The following ST8SIA2 variants were observed in gnomAD, a reference collection of about 807,000 sequenced individuals.
The protein encoded by ST8SIA2 is ST8 alpha-N-acetyl-neuraminide alpha-2,8-sialyltransferase 2, also known as alpha-2,8-sialyltransferase 8B.
A neutral mutation model predicts 37.6 loss-of-function variants in ST8SIA2; 22 were observed. The ratio of observed to expected loss-of-function variants is 0.58; its 90% CI spans 0.42 to 0.83. ST8SIA2 has a LOEUF of 0.83. Among genes scored for constraint, ST8SIA2 ranks in the 40% least tolerant of loss-of-function variants. The pLI is 0.00. For missense variants in ST8SIA2, 382 were observed against 484.7 expected (o/e 0.79, Z 1.99); for synonymous variants, 205 against 201.2 (o/e 1.02, Z -0.16).
chr15:92,416,242 T>G (rs1246535656), intron 1 of ST8SIA2, among the ~76,000 whole-genome samples: 123 of 118,512 alleles, frequency 1.0e-3, no homozygotes, highest in South Asian at 2.3e-3. Context: ...GGGGTGGGGG[T>G]GTGGTGAGGG....
chr15:92,442,860 T>C (rs2141837837), intron 4 of ST8SIA2, among the ~76,000 whole-genome samples: 1 of 152,134 alleles, frequency 6.6e-6, no homozygotes, highest in African/African-American at 2.4e-5. Context: ...GCTCTTTGAG[T>C]CAAATATACC....
chr15:92,423,604 T>C (rs1186514441), intron 1 of ST8SIA2, among the ~76,000 whole-genome samples: 1 of 152,224 alleles, frequency 6.6e-6, no homozygotes, highest in Non-Finnish European at 1.5e-5. Flanking sequence ...CGTTGAGCAC[T>C]GCCTCCTCCA....
chr15:92,455,081 G>C (rs563258306), intron 5 of ST8SIA2, among the ~76,000 whole-genome samples: 1 of 152,250 alleles, frequency 6.6e-6, no homozygotes, highest in East Asian at 1.9e-4. Flanking sequence ...AGAGACTTGA[G>C]GGCCCAAGGT....
rs143662899 is a variant in ST8SIA2, at chr15:92,434,423, T to C, written c.290+48T>C. The stretch of plus-strand genomic sequence containing the variant: ...CAAGAGGTAGACTTGGTCTTGAGCA[T>C]ACACGGGCAAATTGCTTCTCTTCGT... On this transcript the variant is annotated intron_variant, in intron 3 of 5. Coordinates refer to ENST00000268164, the MANE Select transcript of ST8SIA2 (RefSeq NM_006011.4). 1.4e-5 allele frequency: 23 copies of C among 1,613,530 alleles called. No homozygotes were observed. The African/African-American group carries it at 2.7e-4, about 19-fold the overall frequency.
chr15:92,418,866 C>T (rs949760039), intron 1 of ST8SIA2, among the ~76,000 whole-genome samples: 6 of 152,050 alleles, frequency 3.9e-5, no homozygotes, highest in Admixed American at 1.3e-4. Context: ...TAAATGAAGT[C>T]GTAAAGTGTT....
chr15:92,418,467 A>G (rs1324710362), intron 1 of ST8SIA2, among the ~76,000 whole-genome samples: 1 of 150,506 alleles, frequency 6.6e-6, no homozygotes, highest in Non-Finnish European at 1.5e-5. Flanking sequence ...TCCCTCAAAA[A>G]AAAAAAAAAA....
At chr15:92,398,838 G>A (rs1018108364) in intron 1 of ST8SIA2, among the ~76,000 whole-genome samples, 1 of 152,192 alleles carries the variant, frequency 6.6e-6, no homozygotes, top group African/African-American at 2.4e-5. Flanking sequence ...AGCTAATAAT[G>A]TTAACGAATA....
intron 1 of ST8SIA2, among the ~76,000 whole-genome samples, chr15:92,415,768 G>C (rs2049582018): frequency 6.6e-6 from 1 of 152,154 alleles, no homozygotes; most frequent in African/African-American, 2.4e-5. Flanking sequence ...GTTTAGGCTA[G>C]ATATGACCCA....
At chr15:92,461,016 T>C (rs560881569) in intron 5 of ST8SIA2, among the ~76,000 whole-genome samples, 1 of 152,174 alleles carries the variant, frequency 6.6e-6, no homozygotes, top group East Asian at 1.9e-4. Context: ...CTGTGCAGTG[T>C]GGTTAGGAAG....
At chr15:92,420,290 A>G (rs1385023220) in intron 1 of ST8SIA2, among the ~76,000 whole-genome samples, 1 of 152,170 alleles carries the variant, frequency 6.6e-6, no homozygotes, top group East Asian at 1.9e-4. Context: ...CACTTGGATG[A>G]TAAGTTATAT....
intron 2 of ST8SIA2, among the ~76,000 whole-genome samples, chr15:92,431,141 T>A (rs2049712583): frequency 6.6e-6 from 1 of 152,176 alleles, no homozygotes; most frequent in Non-Finnish European, 1.5e-5. Context: ...AAGAAGGCCA[T>A]GTGCTCCTAA....
chr15:92,454,879 A>T (rs1045993881), intron 5 of ST8SIA2, among the ~76,000 whole-genome samples: 3 of 151,984 alleles, frequency 2.0e-5, no homozygotes, highest in Admixed American at 2.0e-4. Flanking sequence ...TTTAATTACA[A>T]CATCGAAGGA....
intron 1 of ST8SIA2, among the ~76,000 whole-genome samples, chr15:92,426,627 G>T (rs1441907769): frequency 1.3e-5 from 2 of 152,214 alleles, no homozygotes; most frequent in African/African-American, 4.8e-5. Context: ...GGCTCTCAGG[G>T]ACTGGGGGTG....
intron 1 of ST8SIA2, chr15:92,420,941 T>A (rs1161261664): frequency 1.3e-5 from 2 of 152,220 alleles, no homozygotes; most frequent in Non-Finnish European, 2.9e-5. Context: ...ATAAAGCTAT[T>A]CCGCCCGTCT....
In ST8SIA2 at chr15:92,444,768, G is replaced by A. The variant is rs1288100315; in HGVS notation, c.681G>A (p.Leu227=). Residue 227 remains leucine, a synonymous_variant, in exon 5 of 6, where the codon CTG becomes CTA. Transcript: ENST00000268164. ...LVNATWREKL[L]QRLHSLNGSI... is the part of the protein sequence containing the mutation. ...ATGCCACGTGGCGGGAGAAGCTGCT[G>A]CAACGGCTGCACAGCCTCAATGGCA... 7 of 1,613,982 alleles carry A rather than the reference G, an allele frequency of 4.3e-6. No individual in the cohort carries two copies. The highest frequency in any genetic ancestry group is 5.9e-6 in the Non-Finnish European group (7 of 1,180,038).
intron 3 of ST8SIA2, among the ~76,000 whole-genome samples, chr15:92,436,421 C>T (rs957909688): frequency 6.6e-6 from 1 of 152,144 alleles, no homozygotes; most frequent in African/African-American, 2.4e-5. Flanking sequence ...AACAATGTAC[C>T]TTTACCCAGA....
chr15:92,417,972 C>T lies in ST8SIA2; in HGVS notation c.99-12077C>T, dbSNP rs143104874. 1.3e-4 allele frequency among the ~76,000 whole-genome samples: 20 copies of T among 152,200 alleles called. No homozygotes were observed. The East Asian group carries it at 3.9e-3, about 29-fold the overall frequency. ...TCTTAATTCTCTGGGGCCTCCTCGA[C>T]ATATATTTAGGCAGGAGGTGAAGGG... On this transcript the variant is annotated intron_variant, in intron 1 of 5. Coordinates refer to ENST00000268164, the MANE Select transcript of ST8SIA2 (RefSeq NM_006011.4).
intron 1 of ST8SIA2, 34 bp from the exon 2 acceptor site, chr15:92,430,015 G>A (rs752276177): frequency 3.3e-5 from 53 of 1,612,850 alleles, no homozygotes; most frequent in Non-Finnish European, 4.5e-5. Flanking sequence ...AGATGAGCTG[G>A]GTTTATAAAT....
At chr15:92,444,590 G>A in intron 4 of ST8SIA2, 46 bp from the exon 5 acceptor site, 1 of 1,612,866 alleles carries the variant, frequency 6.2e-7, no homozygotes, top group African/African-American at 1.3e-5. Context: ...CAGAGGAAGG[G>A]GTCTCAGCTT....
Sources: gnomAD v4.1 joint callset for allele counts (sites outside exome capture counted in the v4.1 genomes callset) on GRCh38, gnomAD v4.1.1 for gene constraint, MANE v1.5 for transcripts, NCBI Gene and HGNC (gene_info 2026-07-23, HGNC 2026-07-21) for gene names.